Variants in PPP2R2B observed in about 807,000 individuals in gnomAD.
PPP2R2B encodes protein phosphatase 2 regulatory subunit Bbeta, also known as serine/threonine-protein phosphatase 2A 55 kDa regulatory subunit B beta isoform.
PPP2R2B carries 5 observed loss-of-function variants against 46.0 expected under a neutral mutation model. That is an observed-to-expected ratio of 0.11 (90% CI 0.06 to 0.23). The LOEUF is 0.23. Among genes scored for constraint, PPP2R2B ranks in the 10% least tolerant of loss-of-function variants. The pLI is 1.00. For missense variants in PPP2R2B, 367 were observed against 575.0 expected, an observed-to-expected ratio of 0.64 and a Z score of 3.70; for synonymous variants, 215 against 206.7, an observed-to-expected ratio of 1.04 and a Z score of -0.34.
At chr5:146,857,461 T>G (rs765686705) in intron 2 of PPP2R2B, among the ~76,000 whole-genome samples, 4 of 152,208 alleles carry the variant, frequency 2.6e-5, no homozygotes, top group Admixed American at 6.5e-5. Flanking sequence ...ATCCTGCTGA[T>G]GGTGCATGGA....
At chr5:146,896,770 A>T (rs1762657738) in intron 1 of PPP2R2B, among the ~76,000 whole-genome samples, 1 of 152,044 alleles carries the variant, frequency 6.6e-6, no homozygotes, top group Admixed American at 6.6e-5. Flanking sequence ...ATATTCCAAG[A>T]TTTAAAGGCG....
rs766929381 is a variant in PPP2R2B at position 146,581,533 on chromosome 5, C to T, written c.*8414G>A. 1.3e-5 allele frequency: 2 copies of T among 152,142 alleles called. No homozygotes were observed. Among genetic ancestry groups the T allele is most frequent in the Admixed American group, 1.3e-4 (2 of 15,278 alleles). 9.4% of individuals were successfully genotyped at this position (152,142 alleles called of 1,614,324 possible). On this transcript the variant is annotated 3_prime_UTR_variant, in exon 10 of 10. Coordinates refer to ENST00000394411, the MANE Select transcript of PPP2R2B (RefSeq NM_181675.4). ...CAAATCATGTCAATATATAATTAACCTTTCTGCCTTTTCAAAAATAATATG... is the reference window on the plus strand; with the variant it reads ...CAAATCATGTCAATATATAATTAACTTTTCTGCCTTTTCAAAAATAATATG...
intron 1 of PPP2R2B, among the ~76,000 whole-genome samples, chr5:146,894,756 T>C (rs1447164662): frequency 6.6e-6 from 1 of 152,206 alleles, no homozygotes; most frequent in Non-Finnish European, 1.5e-5. Context: ...TGGACCTTTG[T>C]ACACACTTTT....
intron 2 of PPP2R2B, among the ~76,000 whole-genome samples, chr5:146,799,066 G>A (rs902041385): frequency 6.6e-5 from 10 of 152,032 alleles, no homozygotes; most frequent in African/African-American, 1.7e-4. Flanking sequence ...TTCCCATTCC[G>A]GGGCAGCCAG....
chr5:146,890,286 T>C lies in PPP2R2B; in HGVS notation c.79+165379A>G, dbSNP rs531664297. 2.0e-5 allele frequency among the ~76,000 whole-genome samples: 3 copies of C among 152,314 alleles called. No homozygotes were observed. In the East Asian group the frequency reaches 5.8e-4, roughly 29 times the overall value. On this transcript the variant is annotated intron_variant, in intron 1 of 8. Coordinates refer to the PPP2R2B transcript ENST00000336640. ...GCCCTGTGATGGGCCAGGGAAGTGC[T>C]GCAGGAGGAGCTGTATCAGTCCTCC...
intron 1 of PPP2R2B, among the ~76,000 whole-genome samples, chr5:146,904,112 C>T (rs1208959557): frequency 2.0e-5 from 3 of 152,108 alleles, no homozygotes; most frequent in Admixed American, 6.6e-5. Context: ...AGAATGCAGA[C>T]ATCACTCTCT....
At chr5:146,622,319 A>T (rs1773756363) in intron 7 of PPP2R2B, among the ~76,000 whole-genome samples, 1 of 152,198 alleles carries the variant, frequency 6.6e-6, no homozygotes, top group Non-Finnish European at 1.5e-5. Context: ...ATTTCATTGA[A>T]TCTGCACAAC....
intron 2 of PPP2R2B, among the ~76,000 whole-genome samples, chr5:147,067,508 G>A (rs978808265): frequency 5.3e-5 from 8 of 152,130 alleles, no homozygotes; most frequent in African/African-American, 1.9e-4. Flanking sequence ...TCCAGGCCAA[G>A]TAATATTCCC....
At chr5:146,812,793 G>GTATATATATATATATA (rs1201054676) in intron 2 of PPP2R2B, among the ~76,000 whole-genome samples, 1 of 12,114 alleles carries the variant, frequency 8.3e-5, no homozygotes, top group African/African-American at 2.5e-4. Context: ...GTATATGTGT[G>GTATATATATATATATA]TATATATATA....
At chr5:146,914,475 T>C (rs1448533321) in intron 1 of PPP2R2B, 1 of 152,216 alleles carries the variant, frequency 6.6e-6, no homozygotes, top group Non-Finnish European at 1.5e-5. Flanking sequence ...TTTGTATGCT[T>C]TCCTGGGCAC....
chr5:146,773,686 G>T (rs376750307), intron 2 of PPP2R2B, among the ~76,000 whole-genome samples: 3 of 152,082 alleles, frequency 2.0e-5, no homozygotes, highest in African/African-American at 4.8e-5. Flanking sequence ...GAGCAGCAGG[G>T]TTTGAGAATT....
At chr5:147,007,000 C>T (rs1056559414) in intron 1 of PPP2R2B, among the ~76,000 whole-genome samples, 14 of 152,178 alleles carry the variant, frequency 9.2e-5, no homozygotes, top group African/African-American at 2.7e-4. Flanking sequence ...CTTGCTATTA[C>T]TTGCCTTTGG....
intron 7 of PPP2R2B, among the ~76,000 whole-genome samples, chr5:146,625,606 G>A (rs1043792168): frequency 3.3e-5 from 5 of 152,102 alleles, no homozygotes; most frequent in African/African-American, 1.2e-4. Flanking sequence ...CTGAGACAGG[G>A]CATTTAATCC....
At chr5:146,781,947 G>C (rs1755555709) in intron 2 of PPP2R2B, among the ~76,000 whole-genome samples, 1 of 152,200 alleles carries the variant, frequency 6.6e-6, no homozygotes, top group South Asian at 2.1e-4. Flanking sequence ...AGAGGTGATA[G>C]GATCATGGGG....
chr5:146,977,133 C>T (rs544578479), intron 1 of PPP2R2B, among the ~76,000 whole-genome samples: 2 of 152,208 alleles, frequency 1.3e-5, no homozygotes, highest in Admixed American at 6.5e-5. Flanking sequence ...TTATTAGATT[C>T]GTCCTTAAAA....
At chr5:146,750,340 T>C (rs1753478808) in intron 2 of PPP2R2B, among the ~76,000 whole-genome samples, 1 of 152,230 alleles carries the variant, frequency 6.6e-6, no homozygotes, top group Non-Finnish European at 1.5e-5. Context: ...AAAATCTTGG[T>C]GGGATTTTGA....
chr5:146,897,761 A>G (rs1762692679), intron 1 of PPP2R2B, among the ~76,000 whole-genome samples: 1 of 152,214 alleles, frequency 6.6e-6, no homozygotes, highest in South Asian at 2.1e-4. Context: ...ATAAACCTAC[A>G]ATTCAAGAAC....
chr5:147,046,410 C>T (rs1756544648), intron 1 of PPP2R2B, among the ~76,000 whole-genome samples: 1 of 152,152 alleles, frequency 6.6e-6, no homozygotes, highest in South Asian at 2.1e-4. Context: ...GGCCTTGGCC[C>T]TCTCAGCCCA....
chr5:146,592,028 A>G, intron 9 of PPP2R2B: 1 of 363,508 alleles, frequency 2.8e-6, no homozygotes, highest in South Asian at 2.2e-5. Context: ...TGTAAATAAT[A>G]ATATATGAAT....
Sources: allele counts gnomAD v4.1 joint callset (sites outside exome capture counted in the v4.1 genomes callset), GRCh38; gene constraint gnomAD v4.1.1; transcripts MANE v1.5; gene names NCBI Gene and HGNC (gene_info 2026-07-23, HGNC 2026-07-21).